The following ADGRF4 variants were observed in gnomAD, a reference collection of about 807,000 sequenced individuals.
ADGRF4 encodes the protein adhesion G protein-coupled receptor F4, also known as G-protein coupled receptor PGR18.
ADGRF4 carries 63 observed loss-of-function variants against 58.5 expected under a neutral mutation model. That is an observed-to-expected ratio of 1.08 (90% confidence interval 0.88 to 1.33). The LOEUF (loss-of-function observed/expected upper bound fraction) is 1.33, where lower values mean the gene tolerates loss of function less well. Ranked by LOEUF, ADGRF4 falls within the 40% of genes most tolerant of loss-of-function variation. ADGRF4 has a pLI of 0.00. For missense variants in ADGRF4, 931 were observed against 843.9 expected (o/e 1.10, Z -1.28); for synonymous variants, 313 against 295.4 (o/e 1.06, Z -0.61).
At position 47,714,985 on chromosome 6, in the gene ADGRF4, T is replaced by G. The variant is rs1378396953; in HGVS notation, c.1740T>G (p.Val580=). ...TAAATCTGATTGTGGTTTTGGTTGTTGCTGTCAACACTCAGAGGCCCTCTA... is the reference window on the plus strand; with the variant it reads ...TAAATCTGATTGTGGTTTTGGTTGTGGCTGTCAACACTCAGAGGCCCTCTA... ...VAVNLIVVLV[V]AVNTQRPSIG... The change falls in exon 6 of 10, where the codon GTT becomes GTG. Residue 580 remains valine, a synonymous_variant. Coordinates refer to ENST00000283303, the MANE Select transcript of ADGRF4 (RefSeq NM_153838.5). 6.2e-7 allele frequency: 1 copy of G among 1,613,618 alleles called. No individual in the cohort carries two copies.
chr6:47,711,372 C>T (rs1173148543), intron 4 of ADGRF4, among the ~76,000 whole-genome samples: 1 of 152,154 alleles, frequency 6.6e-6, no homozygotes, highest in South Asian at 2.1e-4. Context: ...AAGCAATTTT[C>T]CTGCCTCAGC....
At chr6:47,716,767 A>G (rs780059293) in intron 6 of ADGRF4, 39 bp from the exon 7 acceptor site, 12 of 1,536,834 alleles carry the variant, frequency 7.8e-6, no homozygotes, top group Non-Finnish European at 1.1e-5. Context: ...ATATTTTTTG[A>G]AAAACCATCC....
intron 1 of ADGRF4, among the ~76,000 whole-genome samples, chr6:47,699,373 A>ATTTG (rs906309640): frequency 2.0e-5 from 3 of 150,914 alleles, no homozygotes; most frequent in South Asian, 2.1e-4. Flanking sequence ...GGTGCTGTTT[A>ATTTG]TTTGTTTGTT....
chr6:47,708,402 C>T lies in ADGRF4; in HGVS notation c.148+124C>T, dbSNP rs75144084. The T allele has an allele frequency of 2.3e-3, 1,549 of 686,310 alleles. 15 individuals are homozygous for T. Among genetic ancestry groups the T allele is most frequent in the African/African-American group, 0.013 (753 of 55,894 alleles). The allele number at this position is 686,310 out of a possible 1,614,324, so 42.5% of individuals were successfully genotyped here. ...AACTGAATAGCAATCTCCAGTAAGT[C>T]CTCTGTGCTTACCAGTATTGATAGA... On this transcript the variant is annotated intron_variant, in intron 3 of 9. Transcript: ENST00000283303.
chr6:47,711,366 A>G (rs2039136), intron 4 of ADGRF4, among the ~76,000 whole-genome samples: 126,298 of 152,102 alleles, frequency 0.83, 52,912 homozygotes, highest in Middle Eastern at 0.9. Context: ...GGGTTCAAGC[A>G]ATTTTCCTGC....
rs1248459756 is a variant in ADGRF4, at chr6:47,705,726, C to T, written c.-16-1504C>T. On this transcript the variant is annotated intron_variant, in intron 1 of 9. Transcript: ENST00000283303. Reference sequence around the variant, plus strand: ...CTGATGTCAGATCAGTGAGCTCTGTCGGCTCCCTGGTCACTGATTGCCTTA... The same window carrying T: ...CTGATGTCAGATCAGTGAGCTCTGTTGGCTCCCTGGTCACTGATTGCCTTA... Among the ~76,000 whole-genome samples the T allele has an allele frequency of 2.6e-5, 4 of 152,256 alleles. No homozygotes were observed. In the South Asian group the frequency reaches 6.2e-4, roughly 24 times the overall value.
chr6:47,707,606 G>A (rs1771748567), intron 2 of ADGRF4, among the ~76,000 whole-genome samples: 1 of 152,174 alleles, frequency 6.6e-6, no homozygotes, highest in Non-Finnish European at 1.5e-5. Flanking sequence ...AGAGAAGAAA[G>A]TACTCACCTG....
chr6:47,703,102 C>T (rs991075301), intron 1 of ADGRF4, among the ~76,000 whole-genome samples: 1 of 152,202 alleles, frequency 6.6e-6, no homozygotes, highest in Non-Finnish European at 1.5e-5. Flanking sequence ...TACATATAGA[C>T]ATGTGCTAGG....
chr6:47,715,574 T>C (rs1771994505), intron 6 of ADGRF4: 1 of 162,774 alleles, frequency 6.1e-6, no homozygotes, highest in South Asian at 1.6e-4. Flanking sequence ...TATTATGAAG[T>C]AATGGGCCTT....
rs1771937662 is a variant in ADGRF4 at position 47,714,059 on chromosome 6, A to G, written c.814A>G (p.Met272Val). The G allele has an allele frequency of 6.2e-7, 1 of 1,613,820 alleles. No individual in the cohort carries two copies. The highest frequency in any genetic ancestry group is 8.5e-7 in the Non-Finnish European group (1 of 1,179,960). ...MNNTTEDILG[M>V]VQIPRQELRK... ...CAATACCACAGAAGATATCTTAGGA[A>G]TGGTACAGATTCCCAGGCAAGAGCT... The change falls in exon 6 of 10, where the codon ATG becomes GTG. Residue 272 changes from methionine to valine, a missense_variant. Transcript: ENST00000283303.
Position 47,710,751 on chromosome 6 carries a change from T to G in ADGRF4, c.165T>G (p.Pro55=). 1 of 1,606,960 alleles carries G rather than the reference T, an allele frequency of 6.2e-7. No homozygotes were observed. Among genetic ancestry groups the G allele is most frequent in the Non-Finnish European group, 8.5e-7 (1 of 1,177,816 alleles). ...TGRIQEKCEG[P]CISSSNCSQP... Reference sequence around the variant, plus strand: ...TCTTTATAGAGAAATGCGAAGGACCTTGTATTTCTTCTTCCAACTGCAGCC... The same window carrying G: ...TCTTTATAGAGAAATGCGAAGGACCGTGTATTTCTTCTTCCAACTGCAGCC... Residue 55 remains proline, a synonymous_variant, in exon 4 of 10, where the codon CCT becomes CCG. Transcript: ENST00000283303.
Position 47,714,430 on chromosome 6 carries a change from G to A in ADGRF4, c.1185G>A (p.Ser395=), listed in dbSNP as rs761435040. 3.3e-5 allele frequency: 53 copies of A among 1,613,944 alleles called. No homozygotes were observed. The highest frequency in any genetic ancestry group is 4.2e-5 in the Non-Finnish European group (49 of 1,180,028). The change falls in exon 6 of 10, where the codon TCG becomes TCA. Residue 395 remains serine, a synonymous_variant. Transcript: ENST00000283303. ...TTTCCATTCTCATGTCCTCCAAATC[G>A]ATGACCGACAAAGTTCTGGACTACA... ...MSFSILMSSK[S]MTDKVLDYIT...
chr6:47,702,836 G>A (rs988007106), intron 1 of ADGRF4, among the ~76,000 whole-genome samples: 1 of 152,224 alleles, frequency 6.6e-6, no homozygotes, highest in African/African-American at 2.4e-5. Flanking sequence ...GAATATGCCT[G>A]GAACAAGTCT....
In ADGRF4 at chr6:47,715,092, T is replaced by C. The variant is rs1335697368; in HGVS notation, c.1847T>C (p.Leu616Pro). The C allele has an allele frequency of 6.2e-7, 1 of 1,609,742 alleles. No homozygotes were observed. Residue 616 changes from leucine to proline, a missense_variant, in exon 6 of 10, where the codon CTG becomes CCG. Leu to Pro is a moderately conservative substitution (Grantham distance 98). Coordinates refer to ENST00000283303, the MANE Select transcript of ADGRF4 (RefSeq NM_153838.5). ...GCCATCCTCACTCCACTGCTGGGAC[T>C]GACCTGGGGTTTTGGAATAGCCACT... ...NVAILTPLLG[L>P]TWGFGIATLI...
At position 47,716,806 on chromosome 6, in the gene ADGRF4, G is replaced by A. The variant is rs1409091741; in HGVS notation, c.1933G>A (p.Gly645Ser). 2 of 1,600,720 alleles carry A rather than the reference G, an allele frequency of 1.2e-6. No individual in the cohort carries two copies. Among genetic ancestry groups the A allele is most frequent in the Non-Finnish European group, 1.7e-6 (2 of 1,173,450 alleles). The change falls in exon 7 of 10, where the codon GGT becomes AGT. Residue 645 changes from glycine (G) to serine (S), a missense_variant and splice_region_variant. Gly to Ser is a moderately conservative substitution (Grantham distance 56). Transcript: ENST00000283303. ...ATGAATCTGTTCAATTTTGCCACAG[G>A]GTTTTTTCATCCTGCTGTTTGGAAC... ...IIFALLNAFQGFFILLFGTIM... is the reference protein window; with the variant it reads ...IIFALLNAFQSFFILLFGTIM...
Position 47,717,331 on chromosome 6 carries a change from G to A in ADGRF4, c.2014G>A (p.Gly672Arg), listed in dbSNP as rs1772046063. 6.2e-7 allele frequency: 1 copy of A among 1,611,834 alleles called. No individual in the cohort carries two copies. Among genetic ancestry groups the A allele is most frequent in the African/African-American group, 1.3e-5 (1 of 74,846 alleles). ...GAGGATGAGGATGTCTTCACTGAAG[G>A]GGAAATCGAGGGCAGCTGAGGTAAG... ...ALRMRMSSLK[G>R]KSRAAENASL... Residue 672 changes from glycine (G) to arginine (R), a missense_variant, in exon 8 of 10, where the codon GGG becomes AGG. By Grantham distance (125) the Gly-to-Arg change is moderately radical. Transcript: ENST00000283303.
At chr6:47,701,763 C>T (rs1015966013) in intron 1 of ADGRF4, among the ~76,000 whole-genome samples, 2 of 152,166 alleles carry the variant, frequency 1.3e-5, no homozygotes, top group African/African-American at 4.8e-5. Context: ...AATGTGTTTT[C>T]CTCCAAGATA....
At chr6:47,712,821 A>G (rs1340645894) in intron 5 of ADGRF4, among the ~76,000 whole-genome samples, 1 of 152,186 alleles carries the variant, frequency 6.6e-6, no homozygotes, top group Non-Finnish European at 1.5e-5. Flanking sequence ...TACACACTTC[A>G]TATTTTGAAG....
At chr6:47,707,960 A>G (rs1262858560) in intron 2 of ADGRF4, among the ~76,000 whole-genome samples, 1 of 152,202 alleles carries the variant, frequency 6.6e-6, no homozygotes, top group African/African-American at 2.4e-5. Context: ...TTTTTGAAAG[A>G]TGTAGCATCT....
Sources: gnomAD v4.1 joint callset for allele counts (sites outside exome capture counted in the v4.1 genomes callset) on GRCh38, gnomAD v4.1.1 for gene constraint, MANE v1.5 for transcripts, NCBI Gene and HGNC (gene_info 2026-07-23, HGNC 2026-07-21) for gene names.